GRM8: variants seen among roughly 807,000 people sequenced by gnomAD.
The protein encoded by GRM8 is glutamate metabotropic receptor 8.
In GRM8, 47 loss-of-function variants were observed where a neutral mutation model predicts 87.2. The observed-to-expected ratio is 0.54, with a 90% CI of 0.43 to 0.69. The LOEUF is 0.69. GRM8 is among the 30% of genes least tolerant of loss of function. The probability of loss-of-function intolerance (pLI) is 0.00; values close to 1 mark genes in which losing one functional copy is unlikely to be tolerated. For synonymous variants in GRM8, 396 were observed against 404.5 expected, an observed-to-expected ratio of 0.98 and a Z score of 0.25; for missense variants, 1,019 against 1,139.2, an observed-to-expected ratio of 0.89 and a Z score of 1.52.
intron 9 of GRM8, 58 bp downstream of exon 9, chr7:126,532,894 C>A (rs532090291): frequency 1.9e-5 from 19 of 993,478 alleles, no homozygotes; most frequent in African/African-American, 3.3e-5. Context: ...GGAAAAGCAT[C>A]CTAAAAGAAG....
intron 9 of GRM8, among the ~76,000 whole-genome samples, chr7:126,450,552 G>A (rs1802504864): frequency 2.0e-5 from 3 of 151,556 alleles, no homozygotes; most frequent in Admixed American, 6.6e-5. Flanking sequence ...AGTGAAACTT[G>A]CATCAAAAAA....
chr7:126,723,822 T>C (rs902013688), intron 7 of GRM8, among the ~76,000 whole-genome samples: 1 of 152,138 alleles, frequency 6.6e-6, no homozygotes, highest in African/African-American at 2.4e-5. Context: ...CTCTGGGCAG[T>C]GGGTGAAAAG....
At chr7:127,182,635 GTGTGTGTGTGTGTGTGT>G (rs1794520130) in intron 2 of GRM8, among the ~76,000 whole-genome samples, 1 of 9,310 alleles carries the variant, frequency 1.1e-4, no homozygotes, top group Non-Finnish European at 2.2e-4. Flanking sequence ...AAAGTGTGGT[GTGTGTGTGTGTGTGTGT>G]GTGTGTGTGT....
At chr7:126,589,957 A>G (rs1242291363) in intron 8 of GRM8, among the ~76,000 whole-genome samples, 1 of 152,116 alleles carries the variant, frequency 6.6e-6, no homozygotes, top group African/African-American at 2.4e-5. Flanking sequence ...TCTGGTAATG[A>G]CAAAACAAGG....
chr7:126,551,517 A>T (rs1478408821), intron 8 of GRM8, among the ~76,000 whole-genome samples: 1 of 152,152 alleles, frequency 6.6e-6, no homozygotes, highest in African/African-American at 2.4e-5. Flanking sequence ...TATGAACTAG[A>T]ACATTTCCAA....
At chr7:127,248,392 T>C (rs1798688125) in intron 1 of GRM8, among the ~76,000 whole-genome samples, 1 of 152,218 alleles carries the variant, frequency 6.6e-6, no homozygotes. Flanking sequence ...GGACTGCCAT[T>C]ATGTTCCTTC....
intron 2 of GRM8, among the ~76,000 whole-genome samples, chr7:127,152,141 G>A (rs1002372538): frequency 2.6e-5 from 4 of 152,132 alleles, no homozygotes; most frequent in Non-Finnish European, 5.9e-5. Context: ...GACAGAGTGG[G>A]AAGGGGCCAG....
chr7:127,199,282 G>T (rs1795464149), intron 2 of GRM8, among the ~76,000 whole-genome samples: 1 of 152,222 alleles, frequency 6.6e-6, no homozygotes, highest in South Asian at 2.1e-4. Context: ...TTTCAACTCT[G>T]TTTAAAGACG....
intron 6 of GRM8, among the ~76,000 whole-genome samples, chr7:126,853,656 A>G (rs1445343942): frequency 6.6e-6 from 1 of 152,140 alleles, no homozygotes; most frequent in Non-Finnish European, 1.5e-5. Flanking sequence ...TTAAGCAAAA[A>G]AGGGACTTTA....
At chr7:127,055,832 G>A (rs1023451392) in intron 3 of GRM8, among the ~76,000 whole-genome samples, 5 of 151,908 alleles carry the variant, frequency 3.3e-5, no homozygotes, top group Non-Finnish European at 7.4e-5. Context: ...AGTTTGCGAA[G>A]TGAATTGCTA....
rs568958298 is a variant in GRM8, at chr7:126,914,078, G to T, written c.728-9395C>A. Among the ~76,000 whole-genome samples the T allele has an allele frequency of 2.0e-5, 3 of 152,222 alleles. No homozygotes were observed. The South Asian group carries it at 6.2e-4, about 32-fold the overall frequency. On this transcript the variant is annotated intron_variant, in intron 3 of 10. Transcript: ENST00000339582. ...AGAGGCATGTGCTACCATGCATAGG[G>T]AAATAAAGACAATCCACTGTGAAAC...
At chr7:127,193,525 G>A (rs1464382111) in intron 2 of GRM8, among the ~76,000 whole-genome samples, 1 of 152,190 alleles carries the variant, frequency 6.6e-6, no homozygotes, top group Non-Finnish European at 1.5e-5. Context: ...TGTGAGGTCG[G>A]TTAATTCTCA....
At chr7:126,790,520 TTTTGTA>T (rs1385074643) in intron 6 of GRM8, among the ~76,000 whole-genome samples, 1 of 152,186 alleles carries the variant, frequency 6.6e-6, no homozygotes, top group Non-Finnish European at 1.5e-5. Context: ...AGGAATTTTG[TTTTGTA>T]TTTGTAATTA....
At chr7:126,555,460 A>T (rs1793037171) in intron 8 of GRM8, among the ~76,000 whole-genome samples, 1 of 152,244 alleles carries the variant, frequency 6.6e-6, no homozygotes, top group South Asian at 2.1e-4. Flanking sequence ...GTCTTGTCAC[A>T]CAGAAATATG....
chr7:127,232,403 G>C (rs1188177660), intron 2 of GRM8, among the ~76,000 whole-genome samples: 1 of 152,062 alleles, frequency 6.6e-6, no homozygotes, highest in Non-Finnish European at 1.5e-5. Flanking sequence ...GCTAATTCTT[G>C]TATTTTTTAT....
At chr7:126,644,758 T>C (rs1191347557) in intron 7 of GRM8, among the ~76,000 whole-genome samples, 1 of 152,224 alleles carries the variant, frequency 6.6e-6, no homozygotes, top group Non-Finnish European at 1.5e-5. Flanking sequence ...CTGGATATTG[T>C]CTGCAGTGAC....
At chr7:126,794,323 G>A (rs1821720146) in intron 6 of GRM8, among the ~76,000 whole-genome samples, 1 of 152,104 alleles carries the variant, frequency 6.6e-6, no homozygotes, top group Non-Finnish European at 1.5e-5. Context: ...TAAATTGTTA[G>A]TGGCAATTCC....
rs569997763 is a variant in GRM8, at chr7:126,837,819, G to T, written c.1156+64723C>A. Among the ~76,000 whole-genome samples, 6 of 152,298 alleles carry T rather than the reference G, an allele frequency of 3.9e-5. No individual in the cohort carries two copies. In the South Asian group the frequency reaches 6.2e-4, roughly 16 times the overall value. ...AAAGTCAAGTGATTCAATTTACCAG[G>T]CAAGGACAAGAAATGGTTTCAGGAA... On this transcript the variant is annotated intron_variant, in intron 6 of 10. Coordinates refer to ENST00000339582, the MANE Select transcript of GRM8 (RefSeq NM_000845.3).
chr7:126,589,397 C>A (rs1026746313), intron 8 of GRM8, among the ~76,000 whole-genome samples: 1 of 152,092 alleles, frequency 6.6e-6, no homozygotes, highest in Admixed American at 6.6e-5. Flanking sequence ...GCAGAGGCAG[C>A]CATAATCCTA....
Sources: gnomAD v4.1 joint callset for allele counts (sites outside exome capture counted in the v4.1 genomes callset) on GRCh38, gnomAD v4.1.1 for gene constraint, MANE v1.5 for transcripts, NCBI Gene and HGNC (gene_info 2026-07-23, HGNC 2026-07-21) for gene names.